PPM1K: variants seen among roughly 807,000 people sequenced by gnomAD.
PPM1K encodes the protein protein phosphatase, Mg2+/Mn2+ dependent 1K.
In PPM1K, 19 loss-of-function variants were observed where a neutral mutation model predicts 32.6. The observed-to-expected ratio is 0.58, with a 90% confidence interval of 0.41 to 0.86. The LOEUF (loss-of-function observed/expected upper bound fraction) is 0.86. Ranked by LOEUF, PPM1K falls within the 40% of genes least tolerant of loss-of-function variation. PPM1K has a pLI of 0.00. For missense variants in PPM1K, 362 were observed against 461.2 expected (o/e 0.78, Z 1.97); for synonymous variants, 159 against 165.3 (o/e 0.96, Z 0.29).
intron 1 of PPM1K, among the ~76,000 whole-genome samples, chr4:88,282,589 T>C (rs758482092): frequency 5.3e-5 from 8 of 152,178 alleles, no homozygotes; most frequent in East Asian, 1.9e-4. Context: ...GGGACCCCAA[T>C]ACCTTCTTTC....
At chr4:88,268,125 G>T in intron 5 of PPM1K, 65 bp downstream of exon 5, 1 of 1,532,064 alleles carries the variant, frequency 6.5e-7, no homozygotes. Context: ...CAAGAAAGGT[G>T]CAGCAGAGAC....
At chr4:88,267,630 A>T (rs1013594582) in intron 5 of PPM1K, among the ~76,000 whole-genome samples, 1 of 152,244 alleles carries the variant, frequency 6.6e-6, no homozygotes, top group African/African-American at 2.4e-5. Context: ...GTGGCAGGAC[A>T]TCAGTCCTTC....
At chr4:88,271,651 T>G (rs1351783824) in intron 3 of PPM1K, among the ~76,000 whole-genome samples, 1 of 152,184 alleles carries the variant, frequency 6.6e-6, no homozygotes, top group African/African-American at 2.4e-5. Context: ...ATTTGTTTGG[T>G]AGCAATATCA....
At position 88,265,168 on chromosome 4, in the gene PPM1K, G is replaced by A. The variant is rs758639902; in HGVS notation, c.853-33C>T. The A allele has an allele frequency of 9.3e-6, 15 of 1,613,084 alleles. No homozygotes were observed. The Admixed American group carries it at 2.5e-4, about 27-fold the overall frequency. ...CAGAACCAAATGCCTATGATTATAA[G>A]CTAGACTCTGCCTTAGCACAATCTC... On this transcript the variant is annotated intron_variant, in intron 5 of 6. Transcript: ENST00000608933.
rs184876979 is a variant in PPM1K at position 88,273,305 on chromosome 4, C to A, written c.541+3838G>T. On this transcript the variant is annotated intron_variant, in intron 3 of 6. Coordinates refer to ENST00000608933, the MANE Select transcript of PPM1K (RefSeq NM_152542.5). ...AAACCATTTCTTTTCTAACAAAGAG[C>A]AACCTGAAAAATTGAGCTGCAAACA... Among the ~76,000 whole-genome samples the A allele has an allele frequency of 2.0e-5, 3 of 152,284 alleles. No individual in the cohort carries two copies. In the East Asian group the frequency reaches 5.8e-4, roughly 29 times the overall value.
intron 5 of PPM1K, among the ~76,000 whole-genome samples, chr4:88,267,443 C>A (rs1731382042): frequency 6.6e-6 from 1 of 152,178 alleles, no homozygotes; most frequent in African/African-American, 2.4e-5. Flanking sequence ...TGATTGGGTG[C>A]AGGTGAGGAA....
intron 5 of PPM1K, 123 bp from the exon 6 acceptor site, chr4:88,265,258 T>A: frequency 8.9e-7 from 1 of 1,123,568 alleles, no homozygotes; most frequent in Non-Finnish European, 1.3e-6. Flanking sequence ...TAAGCTGATA[T>A]GGTTTGGCTG....
chr4:88,278,712 CAGAG>C lies in PPM1K; in HGVS notation c.-59-74_-59-71del, dbSNP rs968277987. On this transcript the variant is annotated intron_variant, in intron 1 of 6. Coordinates refer to ENST00000608933, the MANE Select transcript of PPM1K (RefSeq NM_152542.5). This position sits in a 1 kb window ranked among gnomAD's most constrained non-coding sequence, Gnocchi z 4.2. ...GGGCAGAGGAGGAGAGGGAGAGAGACAGAGAGAGAGAGACCATCAGAAATTTTGA... is the reference window on the plus strand; with the variant it reads ...GGGCAGAGGAGGAGAGGGAGAGAGACAGAGAGAGACCATCAGAAATTTTGA... 2.9e-5 allele frequency: 20 copies of C among 692,420 alleles called. No homozygotes were observed. The highest frequency in any genetic ancestry group is 3.8e-5 in the Non-Finnish European group (16 of 419,808). The allele number at this position is 692,420 out of a possible 1,614,324, so 42.9% of individuals were successfully genotyped here.
chr4:88,277,190 A>G lies in PPM1K; in HGVS notation c.494T>C (p.Leu165Pro). 1 of 1,614,138 alleles carries G rather than the reference A, an allele frequency of 6.2e-7. No individual in the cohort carries two copies. The highest frequency in any genetic ancestry group is 1.7e-5 in the Admixed American group (1 of 60,030). Reference protein sequence around the residue: ...NLETLLTLAFLEIDKAFSSHA... With the variant: ...NLETLLTLAFPEIDKAFSSHA... Reference sequence around the variant, plus strand: ...ACTCGAAAAGGCTTTATCTATTTCTAGAAAAGCCAAGGTCAACAGAGTTTC... The same window carrying G: ...ACTCGAAAAGGCTTTATCTATTTCTGGAAAAGCCAAGGTCAACAGAGTTTC... The change falls in exon 3 of 7, where the codon CTA (leucine) becomes CCA (proline). Residue 165 changes from leucine (L) to proline (P), a missense_variant. Physicochemically the swap from Leu to Pro is moderately conservative, Grantham distance 98 (BLOSUM62 -3). Transcript: ENST00000608933.
At chr4:88,268,047 GAA>G (rs887909775) in intron 5 of PPM1K, 141 bp downstream of exon 5, 7 of 820,220 alleles carry the variant, frequency 8.5e-6, no homozygotes, top group Non-Finnish European at 1.3e-5. Context: ...TATTTTACCT[GAA>G]AAGTTTTTTT....
rs759909312 is a variant in PPM1K at position 88,268,920 on chromosome 4, G to GA, written c.542-15dup. ...TCAGAAGAGTTGCTACAAGTATTAT[G>GA]AAAAAAAGAGTACAAGTTAGTGACA... On this transcript the variant is annotated splice_polypyrimidine_tract_variant and intron_variant, in intron 3 of 6. Transcript: ENST00000608933. 5 of 1,581,318 alleles carry GA rather than the reference G, an allele frequency of 3.2e-6. No individual in the cohort carries two copies. The highest frequency in any genetic ancestry group is 1.2e-5 in the South Asian group (1 of 86,004).
At position 88,272,593 on chromosome 4, in the gene PPM1K, G is replaced by A. The variant is rs548696371; in HGVS notation, c.542-3687C>T. Among the ~76,000 whole-genome samples the A allele has an allele frequency of 3.9e-5, 6 of 152,156 alleles. No homozygotes were observed. In the South Asian group the frequency reaches 6.2e-4, roughly 16 times the overall value. On this transcript the variant is annotated intron_variant, in intron 3 of 6. Transcript: ENST00000608933. ...ACAACGGACTGGTGGGATATCATCCGGATTTACTGGCTGCTTTTATTAATT... is the reference window on the plus strand; with the variant it reads ...ACAACGGACTGGTGGGATATCATCCAGATTTACTGGCTGCTTTTATTAATT...
In PPM1K at chr4:88,265,085, G is replaced by GT. The variant is rs1560484393; in HGVS notation, c.902dup (p.Asn301LysfsTer6). On this transcript the variant is annotated frameshift_variant, in exon 6 of 7. Coordinates refer to ENST00000608933, the MANE Select transcript of PPM1K (RefSeq NM_152542.5). LOFTEE classifies it high-confidence loss of function. ...AAATCTCTTGACTATTCACCATGAA[G>GT]TTAATTCCATCTGTGGTGAGGACCA... The GT allele has an allele frequency of 6.2e-7, 1 of 1,614,158 alleles. No individual in the cohort carries two copies. Among genetic ancestry groups the GT allele is most frequent in the Non-Finnish European group, 8.5e-7 (1 of 1,179,986 alleles).
chr4:88,276,730 G>GA, intron 3 of PPM1K: 2 of 984,702 alleles, frequency 2.0e-6, no homozygotes, highest in Non-Finnish European at 2.4e-6. Flanking sequence ...GTCCTCGCTA[G>GA]ATGTGATTAC....
chr4:88,264,111 T>G (rs1177869618), intron 6 of PPM1K, among the ~76,000 whole-genome samples: 1 of 152,234 alleles, frequency 6.6e-6, no homozygotes, highest in African/African-American at 2.4e-5. Flanking sequence ...AAATTGGGCC[T>G]ATTTCCTCAA....
At position 88,261,686 on chromosome 4, in the gene PPM1K, TTTTCTTTC is replaced by T. The variant is rs1056780027; in HGVS notation, c.*901_*908del. ...ATGTCACATCATCTGAATTAATTTC[TTTTCTTTC>T]TTTTTTTTTTTTTTTTTGAGATGGA... On this transcript the variant is annotated 3_prime_UTR_variant, in exon 7 of 7. Coordinates refer to ENST00000608933, the MANE Select transcript of PPM1K (RefSeq NM_152542.5). The T allele has an allele frequency of 6.6e-6, 1 of 151,172 alleles. No homozygotes were observed. The highest frequency in any genetic ancestry group is 2.4e-5 in the African/African-American group (1 of 41,220). 9.4% of individuals were successfully genotyped at this position (151,172 alleles called of 1,614,324 possible). A position where few individuals can be genotyped will look rare whatever the true frequency, so the allele number is the denominator to read the frequency against.
At chr4:88,276,169 C>T in intron 3 of PPM1K, 11 of 985,418 alleles carry the variant, frequency 1.1e-5, no homozygotes, top group Non-Finnish European at 1.3e-5. Context: ...TGACCTTTAC[C>T]ACTCTAATCT....
chr4:88,273,547 G>A (rs574694173), intron 3 of PPM1K, among the ~76,000 whole-genome samples: 1 of 152,238 alleles, frequency 6.6e-6, no homozygotes, highest in East Asian at 1.9e-4. Context: ...TAGGCATGGT[G>A]GCAGGCGCCT....
At chr4:88,269,947 A>C (rs1048181673) in intron 3 of PPM1K, among the ~76,000 whole-genome samples, 2 of 152,246 alleles carry the variant, frequency 1.3e-5, no homozygotes, top group Non-Finnish European at 2.9e-5. Flanking sequence ...CAAAAGTGAG[A>C]ATATTGTGAA....
Sources: gnomAD v4.1 joint callset for allele counts (sites outside exome capture counted in the v4.1 genomes callset) on GRCh38, gnomAD v4.1.1 for gene constraint, Gnocchi (gnomAD v3.1) non-coding constraint, MANE v1.5 for transcripts, NCBI Gene and HGNC (gene_info 2026-07-23, HGNC 2026-07-21) for gene names.